RPL12: variants seen among roughly 807,000 people sequenced by gnomAD.
The protein encoded by RPL12 is ribosomal protein L12.
A neutral mutation model predicts 24.5 loss-of-function variants in RPL12; 10 were observed. The ratio of observed to expected loss-of-function variants is 0.41; its 90% confidence interval spans 0.25 to 0.69. RPL12 has a LOEUF of 0.69. RPL12 is among the 30% of genes least tolerant of loss of function. The probability of loss-of-function intolerance (pLI) is 0.33; values close to 1 mark genes in which losing one functional copy is unlikely to be tolerated. For missense variants in RPL12, 137 were observed against 205.3 expected (o/e 0.67, Z 2.03); for synonymous variants, 74 against 76.1 (o/e 0.97, Z 0.14).
In RPL12 at chr9:127,448,090, G is replaced by A. The variant is rs557351825; in HGVS notation, c.380-101C>T. 2.0e-5 allele frequency: 27 copies of A among 1,373,644 alleles called. No individual in the cohort carries two copies. The African/African-American group carries it at 3.5e-4, about 18-fold the overall frequency. 85.1% of individuals were successfully genotyped at this position (1,373,644 alleles called of 1,614,324 possible). A position where few individuals can be genotyped will look rare whatever the true frequency, so the allele number is the denominator to read the frequency against. On this transcript the variant is annotated intron_variant, in intron 5 of 6. Transcript: ENST00000361436. ...AGGGGTTCATAGCAGGCAATGGAAG[G>A]AATGAGGTTCCTGCTCCCCTAATAT...
chr9:127,451,004 C>T, intron 1 of RPL12, 200 bp from the exon 2 acceptor site: 2 of 643,302 alleles, frequency 3.1e-6, no homozygotes, highest in Non-Finnish European at 5.3e-6. Flanking sequence ...CCCCGTCGCC[C>T]GCTAACCCAG....
chr9:127,448,102 T>G, intron 5 of RPL12, 113 bp from the exon 6 acceptor site: 1 of 1,292,398 alleles, frequency 7.7e-7, no homozygotes, highest in Non-Finnish European at 1.1e-6. Flanking sequence ...ATGAGGTTCC[T>G]GCTCCCCTAA....
In RPL12 at chr9:127,449,720, G is replaced by A. The variant is rs755102176; in HGVS notation, c.112-12C>T. ...ACTTTTTTTGGAGACTAGAAATAAA[G>A]GCATGTAATCAACATGGTGTCCAGA... On this transcript the variant is annotated splice_polypyrimidine_tract_variant and intron_variant, in intron 2 of 6. Coordinates refer to ENST00000361436, the MANE Select transcript of RPL12 (RefSeq NM_000976.4). The A allele has an allele frequency of 1.2e-6, 2 of 1,603,904 alleles. No homozygotes were observed. Among genetic ancestry groups the A allele is most frequent in the South Asian group, 1.1e-5 (1 of 90,932 alleles).
At chr9:127,451,257 C>T (rs1834304531) in intron 1 of RPL12, 24 bp downstream of exon 1, 2 of 1,611,670 alleles carry the variant, frequency 1.2e-6, no homozygotes, top group South Asian at 2.2e-5. Context: ...ATCCCGCAGC[C>T]CCGGCCACAA....
intron 3 of RPL12, 61 bp from the exon 4 acceptor site, chr9:127,449,423 C>T (rs1258150229): frequency 1.7e-5 from 25 of 1,501,070 alleles, no homozygotes; most frequent in Admixed American, 5.2e-5. Context: ...TGCACGCTGG[C>T]TCTCAAAAAT....
At chr9:127,447,848 C>G in intron 6 of RPL12, 29 bp downstream of exon 6, 3 of 1,610,020 alleles carry the variant, frequency 1.9e-6, no homozygotes, top group Non-Finnish European at 8.5e-7. Flanking sequence ...CCCTTTCACC[C>G]CTACTGTAAC....
chr9:127,449,810 G>T, intron 2 of RPL12, 102 bp from the exon 3 acceptor site: 1 of 839,924 alleles, frequency 1.2e-6, no homozygotes, highest in Non-Finnish European at 2.0e-6. Flanking sequence ...GCTATCTCAA[G>T]TACCTAAGGG....
intron 3 of RPL12, 86 bp downstream of exon 3, chr9:127,449,524 G>A (rs985874529): frequency 1.8e-5 from 25 of 1,373,894 alleles, no homozygotes; most frequent in African/African-American, 4.3e-5. Flanking sequence ...GCTCACCACT[G>A]GTGGCAGAAA....
At position 127,447,706 on chromosome 9, in the gene RPL12, T is replaced by C. The variant is rs768144832; in HGVS notation, c.*15A>G. On this transcript the variant is annotated 3_prime_UTR_variant, in exon 7 of 7. Transcript: ENST00000361436. ...GTTGTCAAATGATCCTTTATTGAAA[T>C]GTTTTCCTTTGTGCTTAACTCTGTG... is the stretch of plus-strand genomic sequence containing the variant. 9 of 1,613,424 alleles carry C rather than the reference T, an allele frequency of 5.6e-6. No homozygotes were observed. The highest frequency in any genetic ancestry group is 7.6e-6 in the Non-Finnish European group (9 of 1,179,812).
intron 3 of RPL12, 67 bp from the exon 4 acceptor site, chr9:127,449,429 A>G (rs78356394): frequency 6.8e-7 from 1 of 1,466,446 alleles, no homozygotes; most frequent in Non-Finnish European, 9.5e-7. Context: ...CTGGCTCTCA[A>G]AAATCATGGC....
chr9:127,450,859 T>C (rs1834288167), intron 1 of RPL12, 55 bp from the exon 2 acceptor site: 2 of 1,329,454 alleles, frequency 1.5e-6, no homozygotes, highest in East Asian at 2.6e-5. Flanking sequence ...GCCACAGCCC[T>C]CTCAGCGTCT....
chr9:127,448,253 A>T, intron 5 of RPL12, 84 bp downstream of exon 5: 1 of 1,189,822 alleles, frequency 8.4e-7, no homozygotes, highest in Non-Finnish European at 1.3e-6. Context: ...GGTCTCACTG[A>T]GCACCCTTCA....
At chr9:127,450,338 C>G (rs1257877014) in intron 2 of RPL12, 3 of 200,286 alleles carry the variant, frequency 1.5e-5, no homozygotes, top group East Asian at 2.9e-4. Flanking sequence ...AGGTTTACAT[C>G]TACAACACAG....
chr9:127,450,588 C>A (rs1834274843), intron 2 of RPL12, 143 bp downstream of exon 2: 1 of 601,296 alleles, frequency 1.7e-6, no homozygotes, highest in Non-Finnish European at 2.9e-6. Flanking sequence ...TCCTAAGGTA[C>A]CTAGTACTTG....
chr9:127,449,827 C>T, intron 2 of RPL12, 119 bp from the exon 3 acceptor site: 2 of 740,950 alleles, frequency 2.7e-6, no homozygotes, highest in Non-Finnish European at 4.7e-6. Context: ...AGGGCACCTT[C>T]TCAATCAGAG....
In RPL12 at chr9:127,447,971, A is replaced by C; in HGVS notation, c.398T>G (p.Leu133Arg). Reference sequence around the variant, plus strand: ...ACAGCCCACTGACTGGGCAGTCCCCAGGATCTCTTTAATGGTTCCTTTAAG... The same window carrying C: ...ACAGCCCACTGACTGGGCAGTCCCCCGGATCTCTTTAATGGTTCCTTTAAG... ...RELSGTIKEI[L>R]GTAQSVGCNV... is the part of the protein sequence containing the mutation. The change falls in exon 6 of 7, where the codon CTG becomes CGG. Residue 133 changes from leucine to arginine, a missense_variant. Transcript: ENST00000361436. The C allele has an allele frequency of 6.2e-7, 1 of 1,611,432 alleles. No homozygotes were observed. Among genetic ancestry groups the C allele is most frequent in the Non-Finnish European group, 8.5e-7 (1 of 1,179,202 alleles).
intron 4 of RPL12, chr9:127,448,658 A>G (rs1049760989): frequency 2.7e-6 from 2 of 736,526 alleles, no homozygotes; most frequent in Non-Finnish European, 5.0e-6. Context: ...AAGCCTTCAC[A>G]AATCTGACAT....
intron 3 of RPL12, 80 bp from the exon 4 acceptor site, chr9:127,449,442 C>T: frequency 1.4e-6 from 2 of 1,407,666 alleles, no homozygotes; most frequent in Non-Finnish European, 1.0e-6. Context: ...ATCATGGCCA[C>T]ACACTGTCCA....
intron 4 of RPL12, 96 bp from the exon 5 acceptor site, chr9:127,448,519 G>C (rs765871710): frequency 1.2e-6 from 1 of 859,088 alleles, no homozygotes; most frequent in Non-Finnish European, 2.0e-6. Flanking sequence ...CCATGCTTTC[G>C]GCACAGAGTC....
Sources: allele counts gnomAD v4.1 joint callset, GRCh38; gene constraint gnomAD v4.1.1; transcripts MANE v1.5; gene names NCBI Gene and HGNC (gene_info 2026-07-23, HGNC 2026-07-21).